The following PCDHA6 variants were observed in gnomAD, a reference collection of about 807,000 sequenced individuals.
PCDHA6 encodes the protein protocadherin alpha-6.
PCDHA6 carries 55 observed loss-of-function variants against 60.3 expected under a neutral mutation model. The ratio of observed to expected loss-of-function variants is 0.91; its 90% CI spans 0.73 to 1.14. The LOEUF is 1.14. Ranked by LOEUF, PCDHA6 falls within the 50% of genes most tolerant of loss-of-function variation. PCDHA6 has a pLI of 0.00. For synonymous variants in PCDHA6, 652 were observed against 557.9 expected (o/e 1.17, Z -2.38); for missense variants, 1,327 against 1,256.5 (o/e 1.06, Z -0.85).
intron 2 of PCDHA6, among the ~76,000 whole-genome samples, chr5:140,981,928 T>A (rs141616160): frequency 6.6e-6 from 1 of 152,202 alleles, no homozygotes; most frequent in African/African-American, 2.4e-5. Context: ...GTTTCTCTAG[T>A]CTCAGGAAAT....
At chr5:140,835,408 A>G (rs1554134951) in intron 1 of PCDHA6, 1 of 1,614,004 alleles carries the variant, frequency 6.2e-7, no homozygotes, top group Non-Finnish European at 8.5e-7. Context: ...GAAGTTGTGG[A>G]TGTAAATGAC....
chr5:140,930,044 A>G (rs1416118719), intron 1 of PCDHA6: 1 of 152,194 alleles, frequency 6.6e-6, no homozygotes, highest in African/African-American at 2.4e-5. Context: ...ACTGCTTTGG[A>G]GTTTTTGCTT....
At chr5:140,895,267 T>G (rs2064938299) in intron 1 of PCDHA6, among the ~76,000 whole-genome samples, 1 of 152,162 alleles carries the variant, frequency 6.6e-6, no homozygotes. Flanking sequence ...TTTTTCTTAC[T>G]CAGGGATAAT....
Position 140,924,836 on chromosome 5 carries a change from A to G in PCDHA6, c.2395-54113A>G, listed in dbSNP as rs182903893. ...CTTGAACCTGGGAGGGGGAGGTTGC[A>G]GGGAGCTCAGATCGTGCCACTGCAC... On this transcript the variant is annotated intron_variant, in intron 1 of 3. Coordinates refer to ENST00000529310, the MANE Select transcript of PCDHA6 (RefSeq NM_018909.4). Among the ~76,000 whole-genome samples, 1,210 of 151,808 alleles carry G rather than the reference A, an allele frequency of 8.0e-3. 6 individuals carry two copies. Among genetic ancestry groups the G allele is most frequent in the African/African-American group, 0.019 (780 of 41,292 alleles).
chr5:140,859,951 A>G (rs1376166288), intron 1 of PCDHA6: 3 of 151,970 alleles, frequency 2.0e-5, no homozygotes, highest in African/African-American at 7.3e-5. Context: ...ACTCATATCA[A>G]TTGTAAAAGT....
chr5:140,870,746 TGACG>T, intron 1 of PCDHA6: 1 of 1,613,488 alleles, frequency 6.2e-7, no homozygotes, highest in Non-Finnish European at 8.5e-7. Context: ...AGCAGCAACG[TGACG>T]CTGCAGGTGT....
At position 140,876,570 on chromosome 5, in the gene PCDHA6, T is replaced by A. The variant is rs782551095; in HGVS notation, c.2394+46085T>A. 5.7e-5 allele frequency: 92 copies of A among 1,614,172 alleles called. No individual in the cohort carries two copies. In the East Asian group the frequency reaches 2.0e-3, roughly 35 times the overall value. On this transcript the variant is annotated intron_variant, in intron 1 of 3. Coordinates refer to ENST00000529310, the MANE Select transcript of PCDHA6 (RefSeq NM_018909.4). The stretch of plus-strand genomic sequence containing the variant: ...CTGTGCAAGAGGATGCTCAGGTGGG[T>A]ACCGTCATTGCCCTGATTAGCGTGT...
At chr5:140,886,599 G>A (rs1370842751) in intron 1 of PCDHA6, among the ~76,000 whole-genome samples, 1 of 151,940 alleles carries the variant, frequency 6.6e-6, no homozygotes, top group African/African-American at 2.4e-5. Flanking sequence ...AGGCCAAGGT[G>A]GGCGGATCAG....
chr5:140,952,471 A>AAAGT (rs1205705150), intron 1 of PCDHA6, among the ~76,000 whole-genome samples: 2 of 152,204 alleles, frequency 1.3e-5, no homozygotes, highest in Non-Finnish European at 2.9e-5. Context: ...AAGCATAAGG[A>AAAGT]AAGTGACATT....
At chr5:140,967,214 C>T (rs2096114688) in intron 1 of PCDHA6, 10 of 1,613,692 alleles carry the variant, frequency 6.2e-6, no homozygotes, top group Non-Finnish European at 8.5e-6. Context: ...GCGTTTCCCG[C>T]GGCCCAACTA....
chr5:140,902,421 A>G (rs1187358402), intron 1 of PCDHA6, among the ~76,000 whole-genome samples: 4 of 152,076 alleles, frequency 2.6e-5, no homozygotes, highest in Non-Finnish European at 5.9e-5. Context: ...AACAGTGGTG[A>G]AAGTGGGCAT....
At chr5:140,988,092 C>T (rs1266366711) in intron 3 of PCDHA6, among the ~76,000 whole-genome samples, 6 of 152,174 alleles carry the variant, frequency 3.9e-5, no homozygotes, top group East Asian at 1.9e-4. Flanking sequence ...AGTGCAGCCT[C>T]GGGCCTTGTT....
chr5:140,908,268 A>G (rs1401852970), intron 1 of PCDHA6, among the ~76,000 whole-genome samples: 4 of 152,284 alleles, frequency 2.6e-5, no homozygotes, highest in African/African-American at 9.6e-5. Context: ...GGAACTCCCC[A>G]TGAGGCCATT....
intron 1 of PCDHA6, chr5:140,852,574 G>T (rs1056497020): frequency 3.8e-6 from 3 of 793,008 alleles, no homozygotes; most frequent in Non-Finnish European, 4.7e-6. Context: ...CTGTGCCAAG[G>T]CTTTTTTATT....
chr5:140,888,558 C>T (rs782768307), intron 1 of PCDHA6, among the ~76,000 whole-genome samples: 6 of 152,188 alleles, frequency 3.9e-5, no homozygotes, highest in Non-Finnish European at 7.3e-5. Flanking sequence ...TTATTCCTTT[C>T]AAGGCTTCAT....
At position 140,850,252 on chromosome 5, in the gene PCDHA6, G is replaced by C. The variant is rs1377963742; in HGVS notation, c.2394+19767G>C. 3.1e-5 allele frequency: 49 copies of C among 1,593,714 alleles called. 1 individual carries two copies. The East Asian group carries it at 1.0e-3, about 34-fold the overall frequency. ...AGCGAGATGGTGCTGCGGTCGGTGGGCGCCGGCGTAGTGGTGGGGAAGGTG... is the reference window on the plus strand; with the variant it reads ...AGCGAGATGGTGCTGCGGTCGGTGGCCGCCGGCGTAGTGGTGGGGAAGGTG... On this transcript the variant is annotated intron_variant, in intron 1 of 3. Transcript: ENST00000529310.
intron 1 of PCDHA6, chr5:140,966,615 G>C (rs1423136904): frequency 3.9e-6 from 3 of 773,600 alleles, no homozygotes; most frequent in Non-Finnish European, 5.6e-6. Flanking sequence ...GAGGGCCTAC[G>C]GAGGGAGCGG....
chr5:140,929,471 G>C, intron 1 of PCDHA6: 1 of 1,293,428 alleles, frequency 7.7e-7, no homozygotes, highest in Non-Finnish European at 1.0e-6. Context: ...CAAGAAATCT[G>C]GAAGTATAGA....
At chr5:140,858,175 G>A in intron 1 of PCDHA6, 2 of 1,597,716 alleles carry the variant, frequency 1.3e-6, no homozygotes, top group Non-Finnish European at 1.7e-6. Flanking sequence ...CCAGCTTGCT[G>A]GTGCTCACGC....
Sources: allele counts gnomAD v4.1 joint callset (sites outside exome capture counted in the v4.1 genomes callset), GRCh38; gene constraint gnomAD v4.1.1; transcripts MANE v1.5; gene names NCBI Gene and HGNC (gene_info 2026-07-23, HGNC 2026-07-21).